The following UTRN variants were observed in gnomAD, a reference collection of about 807,000 sequenced individuals.
UTRN encodes the protein dystrophin-related protein 1.
UTRN carries 283 observed loss-of-function variants against 463.9 expected under a neutral mutation model. The ratio of observed to expected loss-of-function variants is 0.61; its 90% confidence interval spans 0.55 to 0.67. The LOEUF is 0.67. UTRN is among the 30% of genes least tolerant of loss of function. UTRN has a pLI of 0.00. For synonymous variants in UTRN, 1,442 were observed against 1,431.5 expected, an observed-to-expected ratio of 1.01 and a Z score of -0.17; for missense variants, 3,922 against 4,084.3, an observed-to-expected ratio of 0.96 and a Z score of 1.08.
intron 73 of UTRN, among the ~76,000 whole-genome samples, chr6:144,846,406 A>G (rs1054649406): frequency 8.5e-5 from 13 of 152,244 alleles, no homozygotes; most frequent in African/African-American, 2.7e-4. Flanking sequence ...GGCAGAAACC[A>G]AAGACTTATG....
Position 144,767,871 on chromosome 6 carries a change from G to A in UTRN, c.8496-4036G>A, listed in dbSNP as rs371724811. Reference sequence around the variant, plus strand: ...TGCCTTTATAATTATAATTGGAATGGAATGATATATAACAAACCTCACAAA... The same window carrying A: ...TGCCTTTATAATTATAATTGGAATGAAATGATATATAACAAACCTCACAAA... On this transcript the variant is annotated intron_variant, in intron 58 of 74. Coordinates refer to ENST00000367545, the MANE Select transcript of UTRN (RefSeq NM_007124.3). 4.0e-3 allele frequency among the ~76,000 whole-genome samples: 606 copies of A among 152,182 alleles called. 14 individuals carry two copies. In the South Asian group the frequency reaches 0.062, roughly 16 times the overall value.
At chr6:144,441,027 G>A (rs1444213401) in intron 13 of UTRN, among the ~76,000 whole-genome samples, 1 of 152,162 alleles carries the variant, frequency 6.6e-6, no homozygotes, top group Non-Finnish European at 1.5e-5. Context: ...CTCCCACTGG[G>A]TTCCTCACTT....
At chr6:144,404,957 A>T (rs1254847959) in intron 3 of UTRN, among the ~76,000 whole-genome samples, 1 of 152,214 alleles carries the variant, frequency 6.6e-6, no homozygotes, top group African/African-American at 2.4e-5. Flanking sequence ...TTGCAATTAA[A>T]TGGGGCTTTA....
chr6:144,438,668 T>C (rs1388370156), intron 11 of UTRN, 77 bp from the exon 12 acceptor site: 3 of 1,570,288 alleles, frequency 1.9e-6, no homozygotes, highest in Middle Eastern at 1.7e-4. Flanking sequence ...GCCCTGTATC[T>C]CCGGTGCCCA....
intron 51 of UTRN, among the ~76,000 whole-genome samples, chr6:144,595,018 C>G (rs1201587243): frequency 6.6e-6 from 1 of 152,026 alleles, no homozygotes; most frequent in Non-Finnish European, 1.5e-5. Context: ...ATAAAATATG[C>G]ACAGTAATGT....
chr6:144,450,973 T>C (rs1432675572), intron 17 of UTRN, among the ~76,000 whole-genome samples: 3 of 151,896 alleles, frequency 2.0e-5, no homozygotes, highest in Non-Finnish European at 4.4e-5. Flanking sequence ...ATTAGCTGGG[T>C]GTGGTGGTGG....
chr6:144,670,671 T>G (rs751912206), intron 51 of UTRN, among the ~76,000 whole-genome samples: 4 of 152,186 alleles, frequency 2.6e-5, no homozygotes, highest in Non-Finnish European at 4.4e-5. Context: ...TTGTTTTTGT[T>G]GCATTTGCTT....
chr6:144,788,722 C>A (rs1776504901), intron 61 of UTRN, among the ~76,000 whole-genome samples: 2 of 152,172 alleles, frequency 1.3e-5, no homozygotes, highest in Admixed American at 6.5e-5. Flanking sequence ...GCGCCACCCG[C>A]CTGGCTAATT....
At position 144,840,952 on chromosome 6, in the gene UTRN, A is replaced by G. The variant is rs574544214; in HGVS notation, c.10270+120A>G. The G allele has an allele frequency of 1.6e-4, 160 of 1,024,614 alleles. 1 individual carries two copies. The highest frequency in any genetic ancestry group is 3.1e-4 in the Admixed American group (12 of 39,080). 63.5% of individuals were successfully genotyped at this position (1,024,614 alleles called of 1,614,324 possible). A position where few individuals can be genotyped will look rare whatever the true frequency, so the allele number is the denominator to read the frequency against. ...AAAACCTTATTACAAACAGGACTGA[A>G]TATTATTTGAAAATAAGGCAAACAT... is the stretch of plus-strand genomic sequence containing the variant. On this transcript the variant is annotated intron_variant, in intron 73 of 74. Coordinates refer to ENST00000367545, the MANE Select transcript of UTRN (RefSeq NM_007124.3).
At chr6:144,364,348 C>G (rs1157974567) in intron 2 of UTRN, among the ~76,000 whole-genome samples, 1 of 152,120 alleles carries the variant, frequency 6.6e-6, no homozygotes, top group Non-Finnish European at 1.5e-5. Flanking sequence ...CACTGTCTCC[C>G]TTATGTTTCC....
At chr6:144,298,833 C>T (rs1804984128) in intron 2 of UTRN, among the ~76,000 whole-genome samples, 1 of 152,156 alleles carries the variant, frequency 6.6e-6, no homozygotes, top group Non-Finnish European at 1.5e-5. Context: ...CTTTGTGTCT[C>T]TAAAGTGGTA....
At chr6:144,574,427 G>T (rs1801236953) in intron 50 of UTRN, among the ~76,000 whole-genome samples, 1 of 152,090 alleles carries the variant, frequency 6.6e-6, no homozygotes, top group Non-Finnish European at 1.5e-5. Context: ...ATTTATTGTG[G>T]AATAGTATTC....
At chr6:144,422,454 T>C (rs1406821546) in intron 4 of UTRN, among the ~76,000 whole-genome samples, 3 of 152,078 alleles carry the variant, frequency 2.0e-5, no homozygotes, top group African/African-American at 7.2e-5. Flanking sequence ...CCATCTCTAC[T>C]AAAATACAAA....
chr6:144,307,389 T>C (rs1253006357), intron 2 of UTRN, among the ~76,000 whole-genome samples: 1 of 152,242 alleles, frequency 6.6e-6, no homozygotes, highest in East Asian at 1.9e-4. Context: ...CTTGTGTTTC[T>C]GCATATTTTC....
intron 51 of UTRN, among the ~76,000 whole-genome samples, chr6:144,595,430 G>T (rs554074147): frequency 6.6e-6 from 1 of 152,316 alleles, no homozygotes; most frequent in East Asian, 1.9e-4. Flanking sequence ...AACTGAGGCG[G>T]AAGAATGTTG....
chr6:144,484,826 T>C (rs1792264863), intron 27 of UTRN, among the ~76,000 whole-genome samples: 1 of 152,136 alleles, frequency 6.6e-6, no homozygotes, highest in African/African-American at 2.4e-5. Context: ...AATCAGATCA[T>C]GGAATTTATT....
intron 6 of UTRN, among the ~76,000 whole-genome samples, 161 bp downstream of exon 6, chr6:144,424,239 A>G (rs896193100): frequency 3.3e-5 from 5 of 152,208 alleles, no homozygotes; most frequent in African/African-American, 1.2e-4. Context: ...AGATCAAGGC[A>G]TCAGCAGGGT....
chr6:144,555,010 G>C, intron 49 of UTRN, 117 bp downstream of exon 49: 1 of 1,210,692 alleles, frequency 8.3e-7, no homozygotes. Flanking sequence ...AGTTCTTAGA[G>C]TGTCTAATGA....
At chr6:144,413,826 T>C (rs1562362891) in intron 3 of UTRN, among the ~76,000 whole-genome samples, 1 of 152,156 alleles carries the variant, frequency 6.6e-6, no homozygotes, top group South Asian at 2.1e-4. Flanking sequence ...TATTTTGATA[T>C]GGAGTCTTGC....
Sources: allele counts gnomAD v4.1 joint callset (sites outside exome capture counted in the v4.1 genomes callset), GRCh38; gene constraint gnomAD v4.1.1; transcripts MANE v1.5; gene names NCBI Gene and HGNC (gene_info 2026-07-23, HGNC 2026-07-21).